The following RAB22A variants were observed in gnomAD, a reference collection of about 807,000 sequenced individuals.
RAB22A encodes RAB22A, member RAS oncogene family.
Under a neutral mutation model 30.2 loss-of-function variants are expected in RAB22A, and 13 were observed. The ratio of observed to expected loss-of-function variants is 0.43; its 90% CI spans 0.28 to 0.68. RAB22A has a LOEUF of 0.68. Ranked by LOEUF, RAB22A falls within the 30% of genes least tolerant of loss-of-function variation. The pLI, the probability that RAB22A is intolerant of heterozygous loss-of-function variation, is 0.18. For missense variants in RAB22A, 177 were observed against 246.8 expected (o/e 0.72, Z 1.89); for synonymous variants, 89 against 87.2 (o/e 1.02, Z -0.11).
chr20:58,310,013 G>T lies in RAB22A; in HGVS notation c.36+1G>T. On this transcript the variant is annotated splice_donor_variant, in intron 1 of 6. Transcript: ENST00000244040. LOFTEE classifies it high-confidence loss of function. The stretch of plus-strand genomic sequence containing the variant: ...GGAGCTCAAAGTGTGTCTGCTCGGG[G>T]TGAGTGGCGGCGGGTCCGGCCGGGA... The T allele has an allele frequency of 7.8e-7, 1 of 1,276,616 alleles. No homozygotes were observed. The highest frequency in any genetic ancestry group is 9.9e-7 in the Non-Finnish European group (1 of 1,005,126). The allele number at this position is 1,276,616 out of a possible 1,614,324, so 79.1% of individuals were successfully genotyped here.
At position 58,359,743 on chromosome 20, in the gene RAB22A, G is replaced by C. The variant is rs573206309; in HGVS notation, c.*40G>C. ...CTCAGACTTGATGATGAAGTAGGTG[G>C]TCCTGAAAGTTAACAGGAGGGCTGG... is the stretch of plus-strand genomic sequence containing the variant. On this transcript the variant is annotated 3_prime_UTR_variant, in exon 7 of 7. Coordinates refer to ENST00000244040, the MANE Select transcript of RAB22A (RefSeq NM_020673.3). 6.5e-5 allele frequency: 100 copies of C among 1,537,648 alleles called. No individual in the cohort carries two copies. In the South Asian group the frequency reaches 1.1e-3, roughly 17 times the overall value.
At position 58,360,333 on chromosome 20, in the gene RAB22A, T is replaced by C. The variant is rs1438449445; in HGVS notation, c.*630T>C. On this transcript the variant is annotated 3_prime_UTR_variant, in exon 7 of 7. Coordinates refer to ENST00000244040, the MANE Select transcript of RAB22A (RefSeq NM_020673.3). ...GATGCCTAGCTCATCCTGGGTTTGC[T>C]TCTGACCTTGTCATGTGTGTGCCAC... 1 of 152,684 alleles carries C rather than the reference T, an allele frequency of 6.5e-6. No homozygotes were observed. The highest frequency in any genetic ancestry group is 2.4e-5 in the African/African-American group (1 of 41,476). 9.5% of individuals were successfully genotyped at this position (152,684 alleles called of 1,614,324 possible).
intron 3 of RAB22A, among the ~76,000 whole-genome samples, chr20:58,350,694 A>T (rs1987033578): frequency 6.6e-6 from 1 of 152,234 alleles, no homozygotes; most frequent in South Asian, 2.1e-4. Context: ...TTCAAATATA[A>T]AGTCAAAGTA....
intron 6 of RAB22A, among the ~76,000 whole-genome samples, chr20:58,355,781 C>T (rs573792199): frequency 1.7e-4 from 26 of 152,246 alleles, no homozygotes; most frequent in Non-Finnish European, 3.4e-4. Flanking sequence ...CCATTGATTG[C>T]ACCGCTACAC....
chr20:58,359,098 A>G (rs1490115042), intron 6 of RAB22A, among the ~76,000 whole-genome samples: 1 of 152,218 alleles, frequency 6.6e-6, no homozygotes, highest in Non-Finnish European at 1.5e-5. Context: ...CTGGAAGGCT[A>G]CACGAGAAAT....
At chr20:58,330,580 G>C (rs1036984843) in intron 2 of RAB22A, among the ~76,000 whole-genome samples, 1 of 152,092 alleles carries the variant, frequency 6.6e-6, no homozygotes, top group Non-Finnish European at 1.5e-5. Context: ...GTGCTGTTTT[G>C]TTTTAACAGA....
intron 2 of RAB22A, among the ~76,000 whole-genome samples, chr20:58,317,725 A>C (rs1162472288): frequency 6.0e-5 from 9 of 151,068 alleles, no homozygotes; most frequent in Admixed American, 5.3e-4. Flanking sequence ...CGCCCAGCTA[A>C]TTTTTTGTAT....
At chr20:58,326,681 G>A (rs753190474) in intron 2 of RAB22A, among the ~76,000 whole-genome samples, 4 of 152,138 alleles carry the variant, frequency 2.6e-5, no homozygotes, top group Non-Finnish European at 5.9e-5. Context: ...GGGAACTAGA[G>A]TAGAATTGAT....
At chr20:58,354,297 T>A in intron 6 of RAB22A, 32 bp downstream of exon 6, 1 of 1,471,240 alleles carries the variant, frequency 6.8e-7, no homozygotes, top group South Asian at 1.2e-5. Context: ...CCATTTCCTC[T>A]GTAAAAGCCG....
chr20:58,324,806 G>A (rs1986528222), intron 2 of RAB22A, among the ~76,000 whole-genome samples: 1 of 145,648 alleles, frequency 6.9e-6, no homozygotes, highest in African/African-American at 2.6e-5. Context: ...GTCGGAGGTT[G>A]CAGTGAGCCG....
chr20:58,354,358 G>C, intron 6 of RAB22A, 93 bp downstream of exon 6: 1 of 814,806 alleles, frequency 1.2e-6, no homozygotes, highest in South Asian at 1.8e-5. Flanking sequence ...ACTTAGAGCA[G>C]TCTAGTCTCT....
chr20:58,313,560 C>G (rs189945014), intron 2 of RAB22A, among the ~76,000 whole-genome samples: 2 of 152,276 alleles, frequency 1.3e-5, no homozygotes, highest in Admixed American at 1.3e-4. Context: ...AGAGAAGTTA[C>G]CACTTCCGCA....
At chr20:58,359,533 A>C (rs979832247) in intron 6 of RAB22A, 73 bp from the exon 7 acceptor site, 132 of 1,068,002 alleles carry the variant, frequency 1.2e-4, no homozygotes, top group Admixed American at 2.5e-5. Flanking sequence ...AAACCTGTCA[A>C]ATTGCATCTG....
At chr20:58,355,469 T>C (rs143902288) in intron 6 of RAB22A, among the ~76,000 whole-genome samples, 131 of 152,298 alleles carry the variant, frequency 8.6e-4, no homozygotes, top group African/African-American at 2.9e-3. Context: ...CTGCCAGATA[T>C]GGCCAGTGAA....
In RAB22A at chr20:58,364,299, C is replaced by T. The variant is rs1453212776; in HGVS notation, c.*4596C>T. 6.6e-6 allele frequency: 1 copy of T among 152,182 alleles called. No individual in the cohort carries two copies. Among genetic ancestry groups the T allele is most frequent in the Non-Finnish European group, 1.5e-5 (1 of 68,028 alleles). The allele number at this position is 152,182 out of a possible 1,614,324, so 9.4% of individuals were successfully genotyped here. A position where few individuals can be genotyped will look rare whatever the true frequency, so the allele number is the denominator to read the frequency against. On this transcript the variant is annotated 3_prime_UTR_variant, in exon 7 of 7. Coordinates refer to ENST00000244040, the MANE Select transcript of RAB22A (RefSeq NM_020673.3). ...GATTTACCTTCCAGATCTCGAAGGA[C>T]TTCCAATAGCATAGATCAGGTTTAA...
intron 2 of RAB22A, among the ~76,000 whole-genome samples, chr20:58,329,141 C>T (rs974175316): frequency 6.6e-5 from 10 of 151,938 alleles, no homozygotes; most frequent in Admixed American, 1.3e-4. Flanking sequence ...GCAAGCTCCC[C>T]GTCCTGGGTT....
intron 2 of RAB22A, among the ~76,000 whole-genome samples, chr20:58,311,974 A>T (rs1986234806): frequency 6.6e-6 from 1 of 152,180 alleles, no homozygotes; most frequent in Non-Finnish European, 1.5e-5. Context: ...GATTTTTTTG[A>T]GACAGAGTTT....
chr20:58,354,940 C>G (rs1467626551), intron 6 of RAB22A, among the ~76,000 whole-genome samples: 2 of 152,132 alleles, frequency 1.3e-5, no homozygotes, highest in East Asian at 1.9e-4. Context: ...CATTTCAGAT[C>G]ATAATAACTG....
chr20:58,358,941 A>T (rs895153713), intron 6 of RAB22A, among the ~76,000 whole-genome samples: 2 of 151,110 alleles, frequency 1.3e-5, no homozygotes, highest in Non-Finnish European at 2.9e-5. Flanking sequence ...ATGTACTATG[A>T]TGCCACAATC....
Sources: allele counts gnomAD v4.1 joint callset (sites outside exome capture counted in the v4.1 genomes callset), GRCh38; gene constraint gnomAD v4.1.1; transcripts MANE v1.5; gene names NCBI Gene and HGNC (gene_info 2026-07-23, HGNC 2026-07-21).